Variants in PTGER1 observed in about 807,000 individuals in gnomAD.
PTGER1 encodes prostaglandin E2 receptor EP1 subtype.
Under a neutral mutation model 18.5 loss-of-function variants are expected in PTGER1, and 15 were observed. The ratio of observed to expected loss-of-function variants is 0.81; its 90% CI spans 0.54 to 1.25. The LOEUF (loss-of-function observed/expected upper bound fraction) is 1.25. Ranked by LOEUF, PTGER1 falls within the 50% of genes most tolerant of loss-of-function variation. The probability of loss-of-function intolerance (pLI) is 0.00; values close to 1 mark genes in which losing one functional copy is unlikely to be tolerated. For missense variants in PTGER1, 567 were observed against 603.4 expected (o/e 0.94, Z 0.63); for synonymous variants, 339 against 308.4 (o/e 1.10, Z -1.04).
Position 14,473,652 on chromosome 19 carries a change from C to T in PTGER1, c.669G>A (p.Thr223=). The part of the protein sequence containing the change: ...VALLAALVCN[T]LSGLALLRAR... ...CGCGTAGCAGGGCCAGGCCGCTGAG[C>T]GTGTTGCACACCAGCGCGGCGAGGA... Residue 223 remains threonine (T), a synonymous_variant, in exon 2 of 3, where the codon ACG becomes ACA. Coordinates refer to ENST00000292513, the MANE Select transcript of PTGER1 (RefSeq NM_000955.3). The surrounding 1 kb of genome is among the most constrained non-coding windows in gnomAD (Gnocchi z 7.1). 5 of 1,478,474 alleles carry T rather than the reference C, an allele frequency of 3.4e-6. No homozygotes were observed. The highest frequency in any genetic ancestry group is 4.5e-6 in the Non-Finnish European group (5 of 1,122,186). 91.6% of individuals were successfully genotyped at this position (1,478,474 alleles called of 1,614,324 possible).
rs1252995260 is a variant in PTGER1, at chr19:14,474,222, G to A, written c.99C>T (p.Gly33=). The change falls in exon 2 of 3, where the codon GGC becomes GGT. Residue 33 remains glycine (G), a synonymous_variant. Transcript: ENST00000292513. The surrounding 1 kb of genome is among the most constrained non-coding windows in gnomAD (Gnocchi z 5.4). ...VPNTSAVPPS[G]ASPALPIFSM... Reference sequence around the variant, plus strand: ...AGAAGATGGGCAGCGCGGGCGAAGCGCCCGACGGCGGCACGGCCGACGTGT... The same window carrying A: ...AGAAGATGGGCAGCGCGGGCGAAGCACCCGACGGCGGCACGGCCGACGTGT... The A allele has an allele frequency of 6.6e-7, 1 of 1,526,638 alleles. No homozygotes were observed. Among genetic ancestry groups the A allele is most frequent in the Admixed American group, 2.0e-5 (1 of 50,378 alleles). The allele number at this position is 1,526,638 out of a possible 1,614,324, so 94.6% of individuals were successfully genotyped here.
In PTGER1 at chr19:14,474,180, G is replaced by A. The variant is rs752791419; in HGVS notation, c.141C>T (p.Ala47=). ...GCGCCAGCGCCAGCAGGTTGGACAC[G>A]GCGCCCAGCGTCATGGAGAAGATGG... The part of the protein sequence containing the change: ...ALPIFSMTLG[A]VSNLLALALL... Residue 47 remains alanine, a synonymous_variant, in exon 2 of 3, where the codon GCC becomes GCT. Coordinates refer to ENST00000292513, the MANE Select transcript of PTGER1 (RefSeq NM_000955.3). This position sits in a 1 kb window ranked among gnomAD's most constrained non-coding sequence, Gnocchi z 5.4. 158 of 1,502,670 alleles carry A rather than the reference G, an allele frequency of 1.1e-4. No individual in the cohort carries two copies. Among genetic ancestry groups the A allele is most frequent in the Non-Finnish European group, 1.3e-4 (147 of 1,132,798 alleles). The allele number at this position is 1,502,670 out of a possible 1,614,324, so 93.1% of individuals were successfully genotyped here.
rs1261627182 is a variant in PTGER1 at position 14,474,680 on chromosome 19, C to T, written c.-17-343G>A. Among the ~76,000 whole-genome samples, 2 of 152,098 alleles carry T rather than the reference C, an allele frequency of 1.3e-5. No homozygotes were observed. The highest frequency in any genetic ancestry group is 4.8e-5 in the African/African-American group (2 of 41,410). ...CCGACCCCCACCTTCCATTTTTACA[C>T]CCAGCAAATTCCTGGGGCCTGTGGC... On this transcript the variant is annotated intron_variant, in intron 1 of 2. Coordinates refer to ENST00000292513, the MANE Select transcript of PTGER1 (RefSeq NM_000955.3). This position sits in a 1 kb window ranked among gnomAD's most constrained non-coding sequence, Gnocchi z 5.4.
Position 14,473,618 on chromosome 19 carries a change from G to A in PTGER1, c.703C>T (p.Arg235Ter). The change falls in exon 2 of 3, where the codon CGA becomes TGA. Residue 235 changes from arginine (R) to a stop codon, truncating the protein, a stop_gained. Transcript: ENST00000292513. LOFTEE classifies it high-confidence loss of function. The surrounding 1 kb of genome is among the most constrained non-coding windows in gnomAD (Gnocchi z 7.1). ...SGLALLRARW[R>*]RRSRRPPPAS... ...GGGGGAGGCCGTCGGGAGCGGCGTC[G>A]CCAGCGGGCGCGTAGCAGGGCCAGG... 1.4e-6 allele frequency: 2 copies of A among 1,463,914 alleles called. No individual in the cohort carries two copies. The highest frequency in any genetic ancestry group is 1.5e-5 in the African/African-American group (1 of 67,328). 90.7% of individuals were successfully genotyped at this position (1,463,914 alleles called of 1,614,324 possible). A position where few individuals can be genotyped will look rare whatever the true frequency, so the allele number is the denominator to read the frequency against.
chr19:14,473,679 C>A lies in PTGER1; in HGVS notation c.642G>T (p.Ala214=), dbSNP rs1468407593. The A allele has an allele frequency of 1.4e-6, 2 of 1,475,932 alleles. No individual in the cohort carries two copies. Among genetic ancestry groups the A allele is most frequent in the Non-Finnish European group, 1.8e-6 (2 of 1,120,144 alleles). The allele number at this position is 1,475,932 out of a possible 1,614,324, so 91.4% of individuals were successfully genotyped here. ...AGLFASLGLV[A]LLAALVCNTL... is the part of the protein sequence containing the mutation. ...TGTTGCACACCAGCGCGGCGAGGAG[C>A]GCGACCAGGCCGAGGCTGGCGAAGA... The change falls in exon 2 of 3, where the codon GCG becomes GCT. Residue 214 remains alanine (A), a synonymous_variant. Transcript: ENST00000292513. This position sits in a 1 kb window ranked among gnomAD's most constrained non-coding sequence, Gnocchi z 7.1.
rs1358030556 is a variant in PTGER1 at position 14,473,183 on chromosome 19, AGG to A, written c.942+194_942+195del. On this transcript the variant is annotated intron_variant, in intron 2 of 2. Transcript: ENST00000292513. The surrounding 1 kb of genome is among the most constrained non-coding windows in gnomAD (Gnocchi z 7.1). ...CAAAGACCCCAAAAAGGAAGAGGAG[AGG>A]GGGGCTAGGAGGAAGGATGGGAGGT... 6.8e-6 allele frequency among the ~76,000 whole-genome samples: 1 copy of A among 147,430 alleles called. No homozygotes were observed. Among genetic ancestry groups the A allele is most frequent in the Non-Finnish European group, 1.5e-5 (1 of 66,966 alleles).
chr19:14,473,703 G>A lies in PTGER1; in HGVS notation c.618C>T (p.Leu206=), dbSNP rs1317968060. 4 of 1,475,278 alleles carry A rather than the reference G, an allele frequency of 2.7e-6. No individual in the cohort carries two copies. The highest frequency in any genetic ancestry group is 2.9e-5 in the African/African-American group (2 of 68,078). 91.4% of individuals were successfully genotyped at this position (1,475,278 alleles called of 1,614,324 possible). Reference sequence around the variant, plus strand: ...GCGCGACCAGGCCGAGGCTGGCGAAGAGGCCAGCAAGCAGTGCCTGGCGCC... The same window carrying A: ...GCGCGACCAGGCCGAGGCTGGCGAAAAGGCCAGCAAGCAGTGCCTGGCGCC... ...GGWRQALLAG[L]FASLGLVALL... Residue 206 remains leucine, a synonymous_variant, in exon 2 of 3, where the codon CTC becomes CTT. Transcript: ENST00000292513. The surrounding 1 kb of genome is among the most constrained non-coding windows in gnomAD (Gnocchi z 7.1).
Position 14,473,733 on chromosome 19 carries a change from G to T in PTGER1, c.588C>A (p.Gly196=). 2 of 1,460,008 alleles carry T rather than the reference G, an allele frequency of 1.4e-6. No homozygotes were observed. The highest frequency in any genetic ancestry group is 1.8e-6 in the Non-Finnish European group (2 of 1,111,636). The allele number at this position is 1,460,008 out of a possible 1,614,324, so 90.4% of individuals were successfully genotyped here. The change falls in exon 2 of 3, where the codon GGC becomes GGA. Residue 196 remains glycine (G), a synonymous_variant. Coordinates refer to ENST00000292513, the MANE Select transcript of PTGER1 (RefSeq NM_000955.3). This position sits in a 1 kb window ranked among gnomAD's most constrained non-coding sequence, Gnocchi z 7.1. Reference sequence around the variant, plus strand: ...CAGCAAGCAGTGCCTGGCGCCAGCCGCCCGGGGGACCCAGGCCGATGAAGC... The same window carrying T: ...CAGCAAGCAGTGCCTGGCGCCAGCCTCCCGGGGGACCCAGGCCGATGAAGC... ...TWCFIGLGPP[G]GWRQALLAGL... is the part of the protein sequence containing the mutation.
At position 14,472,551 on chromosome 19, in the gene PTGER1, T is replaced by C. The variant is rs61623859; in HGVS notation, c.*9A>G. 2.8e-4 allele frequency: 433 copies of C among 1,553,260 alleles called. 1 individual carries two copies. The African/African-American group carries it at 5.4e-3, about 20-fold the overall frequency. ...TGGGCTGGCTTAGTCGTTGGGCCTC[T>C]GGTTGTGCTTAGAAGTGGCTGAGGC... On this transcript the variant is annotated 3_prime_UTR_variant, in exon 3 of 3. Coordinates refer to ENST00000292513, the MANE Select transcript of PTGER1 (RefSeq NM_000955.3).
rs1468407593 is a variant in PTGER1 at position 14,473,679 on chromosome 19, C to G, written c.642G>C (p.Ala214=). ...AGLFASLGLV[A]LLAALVCNTL... is the part of the protein sequence containing the mutation. ...TGTTGCACACCAGCGCGGCGAGGAG[C>G]GCGACCAGGCCGAGGCTGGCGAAGA... The change falls in exon 2 of 3, where the codon GCG becomes GCC. Residue 214 remains alanine, a synonymous_variant. Coordinates refer to ENST00000292513, the MANE Select transcript of PTGER1 (RefSeq NM_000955.3). This position sits in a 1 kb window ranked among gnomAD's most constrained non-coding sequence, Gnocchi z 7.1. 3.4e-6 allele frequency: 5 copies of G among 1,475,932 alleles called. No homozygotes were observed. Among genetic ancestry groups the G allele is most frequent in the Non-Finnish European group, 4.5e-6 (5 of 1,120,144 alleles). 91.4% of individuals were successfully genotyped at this position (1,475,932 alleles called of 1,614,324 possible).
In PTGER1 at chr19:14,472,617, G is replaced by T; in HGVS notation, c.1152C>A (p.Ser384Arg). The change falls in exon 3 of 3, where the codon AGC becomes AGA. Residue 384 changes from serine to arginine, a missense_variant. By Grantham distance (110) the Ser-to-Arg change is moderately radical. Coordinates refer to ENST00000292513, the MANE Select transcript of PTGER1 (RefSeq NM_000955.3). ...TGCGCAGCGAGCTGGCCTCCCAGGCGCTCGGTGTTAGGCCCAGCCCCGCGG... is the reference window on the plus strand; with the variant it reads ...TGCGCAGCGAGCTGGCCTCCCAGGCTCTCGGTGTTAGGCCCAGCCCCGCGG... ...GGPAGLGLTP[S>R]AWEASSLRSS... The T allele has an allele frequency of 6.2e-7, 1 of 1,601,854 alleles. No individual in the cohort carries two copies. The highest frequency in any genetic ancestry group is 1.3e-5 in the African/African-American group (1 of 74,706).
rs1380640101 is a variant in PTGER1 at position 14,473,843 on chromosome 19, C to A, written c.478G>T (p.Ala160Ser). 3.2e-6 allele frequency: 4 copies of A among 1,245,244 alleles called. No homozygotes were observed. Among genetic ancestry groups the A allele is most frequent in the Non-Finnish European group, 4.0e-6 (4 of 1,000,394 alleles). The allele number at this position is 1,245,244 out of a possible 1,614,324, so 77.1% of individuals were successfully genotyped here. A position where few individuals can be genotyped will look rare whatever the true frequency, so the allele number is the denominator to read the frequency against. The stretch of plus-strand genomic sequence containing the variant: ...ACGGCCAAGGCCACCGCGGCCACCG[C>A]GGCCAGCGCCAGGCGCGCGCGGGCG... Reference protein sequence around the residue: ...SVARARLALAAVAAVALAVAL... With the variant: ...SVARARLALASVAAVALAVAL... Residue 160 changes from alanine to serine, a missense_variant, in exon 2 of 3, where the codon GCG becomes TCG. By Grantham distance (99) the Ala-to-Ser change is moderately conservative (BLOSUM62 1). Transcript: ENST00000292513. This position sits in a 1 kb window ranked among gnomAD's most constrained non-coding sequence, Gnocchi z 7.1.
In PTGER1 at chr19:14,473,501, T is replaced by G. The variant is rs1414427263; in HGVS notation, c.820A>C (p.Thr274Pro). The change falls in exon 2 of 3, where the codon ACC (threonine) becomes CCC (proline). Residue 274 changes from threonine to proline, a missense_variant. Coordinates refer to ENST00000292513, the MANE Select transcript of PTGER1 (RefSeq NM_000955.3). This position sits in a 1 kb window ranked among gnomAD's most constrained non-coding sequence, Gnocchi z 7.1. The stretch of plus-strand genomic sequence containing the variant: ...CTGCTCCGAGAGCCGCCAAAGAAGG[T>G]GGAGGCCGAAGCGATGGACGAGGCG... ...SSASSIASAS[T>P]FFGGSRSSGS... is the part of the protein sequence containing the mutation. 1 of 1,580,786 alleles carries G rather than the reference T, an allele frequency of 6.3e-7. No homozygotes were observed. Among genetic ancestry groups the G allele is most frequent in the Admixed American group, 1.8e-5 (1 of 55,940 alleles).
rs1358105231 is a variant in PTGER1, at chr19:14,473,290, GC to G, written c.942+88del. 5.3e-6 allele frequency: 8 copies of G among 1,519,286 alleles called. No individual in the cohort carries two copies. Among genetic ancestry groups the G allele is most frequent in the African/African-American group, 1.4e-5 (1 of 72,146 alleles). 94.1% of individuals were successfully genotyped at this position (1,519,286 alleles called of 1,614,324 possible). On this transcript the variant is annotated intron_variant, in intron 2 of 2. Coordinates refer to ENST00000292513, the MANE Select transcript of PTGER1 (RefSeq NM_000955.3). The surrounding 1 kb of genome is among the most constrained non-coding windows in gnomAD (Gnocchi z 7.1). ...GGCCTTGGTTGAGTCCAGGATGGAG[GC>G]CCCAGGTGTCCTGGGACGACAAAGG... is the stretch of plus-strand genomic sequence containing the variant.
rs200413436 is a variant in PTGER1 at position 14,472,467 on chromosome 19, C to G, written c.*93G>C. ...CGGGACACACGGTCCTGCCTGGGCT[C>G]GCAGAATGGCTTTTTATTCCCAAAG... On this transcript the variant is annotated 3_prime_UTR_variant, in exon 3 of 3. Coordinates refer to ENST00000292513, the MANE Select transcript of PTGER1 (RefSeq NM_000955.3). 2.1e-6 allele frequency: 3 copies of G among 1,411,650 alleles called. No individual in the cohort carries two copies. The highest frequency in any genetic ancestry group is 1.8e-6 in the Non-Finnish European group (2 of 1,081,166). 87.4% of individuals were successfully genotyped at this position (1,411,650 alleles called of 1,614,324 possible). A position where few individuals can be genotyped will look rare whatever the true frequency, so the allele number is the denominator to read the frequency against.
rs1464052958 is a variant in PTGER1 at position 14,473,934 on chromosome 19, A to G, written c.387T>C (p.Cys129=). Residue 129 remains cysteine (C), a synonymous_variant, in exon 2 of 3, where the codon TGT becomes TGC. Coordinates refer to ENST00000292513, the MANE Select transcript of PTGER1 (RefSeq NM_000955.3). This position sits in a 1 kb window ranked among gnomAD's most constrained non-coding sequence, Gnocchi z 7.1. ...CCACGCAGCGCTCCACGGCCATGCC[A>G]CAGCCCAGCAGCAGCGGGCACAGGC... ...FFGLCPLLLG[C]GMAVERCVGV... is the part of the protein sequence containing the mutation. 2.1e-6 allele frequency: 3 copies of G among 1,463,124 alleles called. No individual in the cohort carries two copies. The highest frequency in any genetic ancestry group is 2.7e-6 in the Non-Finnish European group (3 of 1,111,942). 90.6% of individuals were successfully genotyped at this position (1,463,124 alleles called of 1,614,324 possible). A position where few individuals can be genotyped will look rare whatever the true frequency, so the allele number is the denominator to read the frequency against.
At position 14,472,622 on chromosome 19, in the gene PTGER1, G is replaced by A. The variant is rs542143458; in HGVS notation, c.1147C>T (p.Pro383Ser). 2 of 1,605,646 alleles carry A rather than the reference G, an allele frequency of 1.2e-6. No individual in the cohort carries two copies. Among genetic ancestry groups the A allele is most frequent in the East Asian group, 4.5e-5 (2 of 44,634 alleles). Residue 383 changes from proline to serine, a missense_variant, in exon 3 of 3, where the codon CCG (proline) becomes TCG (serine). Transcript: ENST00000292513. ...KGGPAGLGLT[P>S]SAWEASSLRS... ...AGCGAGCTGGCCTCCCAGGCGCTCGGTGTTAGGCCCAGCCCCGCGGGGCCG... is the reference window on the plus strand; with the variant it reads ...AGCGAGCTGGCCTCCCAGGCGCTCGATGTTAGGCCCAGCCCCGCGGGGCCG...
rs1182580935 is a variant in PTGER1 at position 14,472,492 on chromosome 19, G to C, written c.*68C>G. 4 of 1,459,894 alleles carry C rather than the reference G, an allele frequency of 2.7e-6. No homozygotes were observed. The highest frequency in any genetic ancestry group is 3.6e-6 in the Non-Finnish European group (4 of 1,112,192). 90.4% of individuals were successfully genotyped at this position (1,459,894 alleles called of 1,614,324 possible). On this transcript the variant is annotated 3_prime_UTR_variant, in exon 3 of 3. Coordinates refer to ENST00000292513, the MANE Select transcript of PTGER1 (RefSeq NM_000955.3). ...CGCAGAATGGCTTTTTATTCCCAAA[G>C]GCTCTGCGCCGCGCACCTGGGCCCA...
chr19:14,474,380 G>C lies in PTGER1; in HGVS notation c.-17-43C>G. 2.1e-6 allele frequency: 3 copies of C among 1,437,146 alleles called. No homozygotes were observed. Among genetic ancestry groups the C allele is most frequent in the Non-Finnish European group, 2.7e-6 (3 of 1,103,510 alleles). The allele number at this position is 1,437,146 out of a possible 1,614,324, so 89.0% of individuals were successfully genotyped here. A position where few individuals can be genotyped will look rare whatever the true frequency, so the allele number is the denominator to read the frequency against. On this transcript the variant is annotated intron_variant, in intron 1 of 2. Coordinates refer to ENST00000292513, the MANE Select transcript of PTGER1 (RefSeq NM_000955.3). This position sits in a 1 kb window ranked among gnomAD's most constrained non-coding sequence, Gnocchi z 5.4. Reference sequence around the variant, plus strand: ...GGGCAGAGTGAGGCTGGCTGGGCCCGGGCGGGGACCAGCCCACGGTGCCAT... The same window carrying C: ...GGGCAGAGTGAGGCTGGCTGGGCCCCGGCGGGGACCAGCCCACGGTGCCAT...
Sources: gnomAD v4.1 joint callset for allele counts (sites outside exome capture counted in the v4.1 genomes callset) on GRCh38, gnomAD v4.1.1 for gene constraint, Gnocchi (gnomAD v3.1) non-coding constraint, MANE v1.5 for transcripts, NCBI Gene and HGNC (gene_info 2026-07-23, HGNC 2026-07-21) for gene names.